Variants in DACH1 observed in about 807,000 individuals in gnomAD.
DACH1 encodes dachshund homolog 1.
A neutral mutation model predicts 54.2 loss-of-function variants in DACH1; 12 were observed. That is an observed-to-expected ratio of 0.22 (90% CI 0.14 to 0.36). The LOEUF is 0.36. Ranked by LOEUF, DACH1 falls within the 10% of genes least tolerant of loss-of-function variation. The pLI, the probability that DACH1 is intolerant of heterozygous loss-of-function variation, is 1.00. For synonymous variants in DACH1, 386 were observed against 366.2 expected, an observed-to-expected ratio of 1.05 and a Z score of -0.62; for missense variants, 805 against 929.8, an observed-to-expected ratio of 0.87 and a Z score of 1.75.
At chr13:71,762,139 G>C (rs1488526279) in intron 1 of DACH1, among the ~76,000 whole-genome samples, 3 of 152,080 alleles carry the variant, frequency 2.0e-5, no homozygotes, top group African/African-American at 7.2e-5. Flanking sequence ...ACTGGTCCAA[G>C]GTAGGGGCTG....
In DACH1 at chr13:71,758,784, A is replaced by C. The variant is rs533033554; in HGVS notation, c.849-76874T>G. ...ATATTAAAAGATGACTGAGTGGCAT[A>C]TAATTTCTACGGGTAATTCCATGCC... On this transcript the variant is annotated intron_variant, in intron 1 of 10. Transcript: ENST00000613252. Among the ~76,000 whole-genome samples, 84 of 152,352 alleles carry C rather than the reference A, an allele frequency of 5.5e-4. 1 individual carries two copies. The South Asian group carries it at 0.017, about 31-fold the overall frequency.
chr13:71,835,962 G>A (rs1022093715), intron 1 of DACH1, among the ~76,000 whole-genome samples: 1 of 151,914 alleles, frequency 6.6e-6, no homozygotes, highest in Admixed American at 6.6e-5. Context: ...CCAAGTGAAT[G>A]GTAATCACTG....
rs1347043529 is a variant in DACH1, at chr13:71,866,822, C to T, written c.-53G>A. 3.9e-6 allele frequency: 5 copies of T among 1,280,010 alleles called. No homozygotes were observed. The highest frequency in any genetic ancestry group is 3.1e-5 in the African/African-American group (2 of 64,096). The allele number at this position is 1,280,010 out of a possible 1,614,324, so 79.3% of individuals were successfully genotyped here. ...GGAGAAGCGAGAGGAAAAGTTGCCACACACCCCCGGGAGGGGAAGGGGAAA... is the reference window on the plus strand; with the variant it reads ...GGAGAAGCGAGAGGAAAAGTTGCCATACACCCCCGGGAGGGGAAGGGGAAA... On this transcript the variant is annotated 5_prime_UTR_variant, in exon 1 of 11. The change creates a new upstream start codon in the 5' untranslated region. Transcript: ENST00000613252.
intron 1 of DACH1, among the ~76,000 whole-genome samples, chr13:71,703,412 C>T (rs987336747): frequency 5.9e-5 from 9 of 152,140 alleles, no homozygotes; most frequent in African/African-American, 9.7e-5. Flanking sequence ...TCTATGAGAG[C>T]GCATGGGTCA....
At chr13:71,693,236 T>TACAC (rs372291800) in intron 1 of DACH1, among the ~76,000 whole-genome samples, 1 of 149,170 alleles carries the variant, frequency 6.7e-6, no homozygotes, top group African/African-American at 2.5e-5. Flanking sequence ...TAAGTCCACA[T>TACAC]ACACACACAC....
At chr13:71,472,194 T>C (rs1055051622) in intron 10 of DACH1, among the ~76,000 whole-genome samples, 2 of 152,220 alleles carry the variant, frequency 1.3e-5, no homozygotes, top group Admixed American at 6.5e-5. Context: ...CATGAATTCC[T>C]AGTTATTTGA....
At chr13:71,594,073 T>C (rs1230891594) in intron 3 of DACH1, among the ~76,000 whole-genome samples, 1 of 151,334 alleles carries the variant, frequency 6.6e-6, no homozygotes, top group Non-Finnish European at 1.5e-5. Flanking sequence ...TAACTTGGTG[T>C]TTTAAATAAA....
chr13:71,687,663 C>T (rs573331240), intron 1 of DACH1, among the ~76,000 whole-genome samples: 72 of 152,140 alleles, frequency 4.7e-4, no homozygotes, highest in East Asian at 3.9e-4. Flanking sequence ...GTTGGAGTGC[C>T]GTGATGTGAT....
intron 6 of DACH1, among the ~76,000 whole-genome samples, chr13:71,549,489 G>A (rs1260223416): frequency 6.6e-6 from 1 of 152,000 alleles, no homozygotes; most frequent in African/African-American, 2.4e-5. Context: ...TTATAAGACT[G>A]CTCTTGTCTC....
chr13:71,471,803 C>T (rs149022007), intron 10 of DACH1, among the ~76,000 whole-genome samples: 146 of 151,894 alleles, frequency 9.6e-4, no homozygotes, highest in Middle Eastern at 6.8e-3. Context: ...AAAGTAGATG[C>T]TGTTGCCTAA....
intron 10 of DACH1, among the ~76,000 whole-genome samples, chr13:71,444,499 C>CTAAG: frequency 6.6e-6 from 1 of 152,064 alleles, no homozygotes; most frequent in East Asian, 1.9e-4. Flanking sequence ...TTTCATTAAC[C>CTAAG]TAAGTCCTTC....
intron 1 of DACH1, chr13:71,704,384 C>T: frequency 2.6e-5 from 11 of 422,900 alleles, no homozygotes; most frequent in South Asian, 1.7e-4. Flanking sequence ...TGTTCCCCAG[C>T]ATGCTGTTGA....
intron 10 of DACH1, among the ~76,000 whole-genome samples, chr13:71,457,045 T>C (rs1392802608): frequency 6.6e-6 from 1 of 152,084 alleles, no homozygotes; most frequent in Admixed American, 6.6e-5. Flanking sequence ...GGGACACTAT[T>C]ACATGAGCAC....
intron 6 of DACH1, among the ~76,000 whole-genome samples, chr13:71,513,731 T>C (rs1038210350): frequency 6.6e-6 from 1 of 152,050 alleles, no homozygotes; most frequent in Non-Finnish European, 1.5e-5. Context: ...TTGTATAATG[T>C]ATTATTTATG....
chr13:71,494,374 G>C (rs534003137), intron 6 of DACH1, among the ~76,000 whole-genome samples: 4 of 151,724 alleles, frequency 2.6e-5, no homozygotes, highest in African/African-American at 9.7e-5. Context: ...TTTGAATTTT[G>C]ACTTTTTTTC....
chr13:71,639,819 A>AAACAGTTG (rs1162486238), intron 2 of DACH1, among the ~76,000 whole-genome samples: 2 of 151,990 alleles, frequency 1.3e-5, no homozygotes, highest in Non-Finnish European at 2.9e-5. Context: ...AAATTACTAT[A>AAACAGTTG]ATTTGGTTTA....
intron 1 of DACH1, among the ~76,000 whole-genome samples, chr13:71,726,742 T>G (rs2137899245): frequency 6.6e-6 from 1 of 152,108 alleles, no homozygotes; most frequent in Admixed American, 6.5e-5. Context: ...AAAACAATGG[T>G]TAGGAAGACT....
At chr13:71,555,564 G>T (rs774093773) in intron 6 of DACH1, among the ~76,000 whole-genome samples, 1 of 151,568 alleles carries the variant, frequency 6.6e-6, no homozygotes, top group Non-Finnish European at 1.5e-5. Flanking sequence ...GGCTGGTCTC[G>T]ACTCCTGACC....
intron 1 of DACH1, among the ~76,000 whole-genome samples, chr13:71,862,976 C>A (rs1874454603): frequency 6.6e-6 from 1 of 151,992 alleles, no homozygotes; most frequent in Non-Finnish European, 1.5e-5. Context: ...TGCTCAGCTT[C>A]TCTTATACTC....
Sources: allele counts gnomAD v4.1 joint callset (sites outside exome capture counted in the v4.1 genomes callset), GRCh38; gene constraint gnomAD v4.1.1; transcripts MANE v1.5; gene names NCBI Gene and HGNC (gene_info 2026-07-23, HGNC 2026-07-21).